The following MDH2 variants were observed in gnomAD, a reference collection of about 807,000 sequenced individuals.
MDH2 encodes the protein malate dehydrogenase 2.
In MDH2, 25 loss-of-function variants were observed where a neutral mutation model predicts 33.6. That is an observed-to-expected ratio of 0.74 (90% CI 0.54 to 1.04). MDH2 has a LOEUF of 1.04. MDH2 is among the 50% of genes least tolerant of loss of function. MDH2 has a pLI of 0.00. For synonymous variants in MDH2, 193 were observed against 188.7 expected, an observed-to-expected ratio of 1.02 and a Z score of -0.19; for missense variants, 432 against 445.0, an observed-to-expected ratio of 0.97 and a Z score of 0.26.
rs3214335 is a variant in MDH2 at position 76,065,027 on chromosome 7, TC to T, written c.885+77del. 0.65 allele frequency: 1,011,630 copies of T among 1,559,084 alleles called. 338,905 individuals are homozygous for T. The highest frequency in any genetic ancestry group is 0.7 in the Non-Finnish European group (796,414 of 1,138,782). ...CCCTTTGCTTAAGCCTCAGGAGCTC[TC>T]CCTGGCCCTTTATGCAGTAAGCTCA... On this transcript the variant is annotated intron_variant, in intron 8 of 8. Transcript: ENST00000315758.
rs868962980 is a variant in MDH2 at position 76,064,948 on chromosome 7, C to T, written c.880C>T (p.Leu294Phe). The change falls in exon 8 of 9, where the codon CTT (leucine) becomes TTT (phenylalanine). Residue 294 changes from leucine to phenylalanine, a missense_variant. Physicochemically the swap from Leu to Phe is conservative, Grantham distance 22 (BLOSUM62 0). Transcript: ENST00000315758. Reference sequence around the variant, plus strand: ...TACCTACTTCTCCACACCGCTGCTGCTTGGGGTACGTATCCAGGCGTGGGT... The same window carrying T: ...TACCTACTTCTCCACACCGCTGCTGTTTGGGGTACGTATCCAGGCGTGGGT... ...ECTYFSTPLL[L>F]GKKGIEKNLG... The T allele has an allele frequency of 1.2e-6, 2 of 1,614,008 alleles. No individual in the cohort carries two copies. The highest frequency in any genetic ancestry group is 1.7e-6 in the Non-Finnish European group (2 of 1,180,012).
At chr7:76,054,516 G>T (rs782206991) in intron 1 of MDH2, 1 of 357,062 alleles carries the variant, frequency 2.8e-6, no homozygotes, top group Non-Finnish European at 5.1e-6. Flanking sequence ...TTATAAAGCT[G>T]CAGGTTGAAG....
chr7:76,065,093 C>A, intron 8 of MDH2, 140 bp downstream of exon 8: 1 of 978,394 alleles, frequency 1.0e-6, no homozygotes, highest in South Asian at 1.6e-5. Context: ...CAAGGGTGGA[C>A]GCACACCCGA....
At chr7:76,056,232 T>A (rs1171324305) in intron 2 of MDH2, among the ~76,000 whole-genome samples, 1 of 152,206 alleles carries the variant, frequency 6.6e-6, no homozygotes, top group Non-Finnish European at 1.5e-5. Flanking sequence ...TATAAATATA[T>A]TAATGTAAGT....
chr7:76,057,459 G>C lies in MDH2; in HGVS notation c.285G>C (p.Val95=). ...QLPDCLKGCD[V]VVIPAGVPRK... ...CTGACTGCCTGAAAGGTTGTGATGT[G>C]GTAGTTATTCCGGCTGGAGTCCCCA... The change falls in exon 3 of 9, where the codon GTG becomes GTC. Residue 95 remains valine (V), a synonymous_variant. Coordinates refer to ENST00000315758, the MANE Select transcript of MDH2 (RefSeq NM_005918.4). The C allele has an allele frequency of 6.2e-7, 1 of 1,614,140 alleles. No homozygotes were observed. The highest frequency in any genetic ancestry group is 1.1e-5 in the South Asian group (1 of 91,076).
At chr7:76,064,531 C>A in intron 7 of MDH2, 93 bp downstream of exon 7, 1 of 1,149,424 alleles carries the variant, frequency 8.7e-7, no homozygotes, top group Non-Finnish European at 1.2e-6. Flanking sequence ...TGGGCATGGA[C>A]GATCCTTTTC....
intron 5 of MDH2, among the ~76,000 whole-genome samples, 187 bp from the exon 6 acceptor site, chr7:76,063,328 C>T (rs1033892627): frequency 6.6e-6 from 1 of 152,232 alleles, no homozygotes; most frequent in Non-Finnish European, 1.5e-5. Context: ...CGCTCATGCT[C>T]AGCCTTTTGG....
chr7:76,065,762 G>A lies in MDH2; in HGVS notation c.886-517G>A, dbSNP rs993233491. Among the ~76,000 whole-genome samples, 5 of 152,298 alleles carry A rather than the reference G, an allele frequency of 3.3e-5. No homozygotes were observed. In the South Asian group the frequency reaches 6.2e-4, roughly 19 times the overall value. On this transcript the variant is annotated intron_variant, in intron 8 of 8. Transcript: ENST00000315758. The stretch of plus-strand genomic sequence containing the variant: ...TGTGCTCAGTTTCTGCAGGTGAGAC[G>A]GTGGCAGAGATGCCTGTTTTTGCCA...
chr7:76,058,148 C>G, intron 4 of MDH2, 70 bp downstream of exon 4: 1 of 1,391,136 alleles, frequency 7.2e-7, no homozygotes. Flanking sequence ...GTGAAAAGCT[C>G]ACGGTTTGCA....
chr7:76,053,480 G>C (rs1797680018), intron 1 of MDH2, among the ~76,000 whole-genome samples: 1 of 152,214 alleles, frequency 6.6e-6, no homozygotes, highest in South Asian at 2.1e-4. Flanking sequence ...GCACCAACTT[G>C]AAACTCAAAA....
Position 76,064,972 on chromosome 7 carries a change from G to A in MDH2, c.885+19G>A, listed in dbSNP as rs782471408. ...GCTTGGGGTACGTATCCAGGCGTGG[G>A]TCCTTCTGACTGTGGAATAAGGGGG... On this transcript the variant is annotated intron_variant, in intron 8 of 8. Coordinates refer to ENST00000315758, the MANE Select transcript of MDH2 (RefSeq NM_005918.4). The A allele has an allele frequency of 1.9e-6, 3 of 1,613,844 alleles. No homozygotes were observed. Among genetic ancestry groups the A allele is most frequent in the Admixed American group, 1.7e-5 (1 of 60,014 alleles).
rs1363140160 is a variant in MDH2, at chr7:76,066,656, G to A, written c.*246G>A. On this transcript the variant is annotated 3_prime_UTR_variant, in exon 9 of 9. Coordinates refer to ENST00000315758, the MANE Select transcript of MDH2 (RefSeq NM_005918.4). ...TGTGAGAGCCAACTTTAGAGTGTCT[G>A]CTACCTCTTCATTACCAATCAGAAT... The A allele has an allele frequency of 1.1e-5, 4 of 375,128 alleles. No individual in the cohort carries two copies. Among genetic ancestry groups the A allele is most frequent in the Non-Finnish European group, 1.4e-5 (3 of 208,214 alleles). 23.2% of individuals were successfully genotyped at this position (375,128 alleles called of 1,614,324 possible).
chr7:76,051,701 T>C (rs1054325040), intron 1 of MDH2, among the ~76,000 whole-genome samples: 1 of 152,186 alleles, frequency 6.6e-6, no homozygotes, highest in African/African-American at 2.4e-5. Flanking sequence ...TACTAATATA[T>C]ACATTACAAT....
chr7:76,057,813 C>T (rs1554586485), intron 3 of MDH2, among the ~76,000 whole-genome samples, 156 bp from the exon 4 acceptor site: 2 of 152,208 alleles, frequency 1.3e-5, no homozygotes, highest in African/African-American at 4.8e-5. Context: ...GCTTCTGGCA[C>T]TCATCATGCT....
chr7:76,058,227 G>C, intron 4 of MDH2, 149 bp downstream of exon 4: 2 of 699,752 alleles, frequency 2.9e-6, no homozygotes, highest in Non-Finnish European at 4.8e-6. Flanking sequence ...GGAGAGGTCG[G>C]GTGCACTAAG....
intron 8 of MDH2, 91 bp from the exon 9 acceptor site, chr7:76,066,188 C>A: frequency 6.6e-7 from 1 of 1,509,712 alleles, no homozygotes; most frequent in Middle Eastern, 1.8e-4. Flanking sequence ...TAGAGAGACT[C>A]CTCGGCAGGG....
intron 7 of MDH2, 61 bp from the exon 8 acceptor site, chr7:76,064,741 C>T (rs1250466616): frequency 1.0e-5 from 16 of 1,525,318 alleles, no homozygotes; most frequent in African/African-American, 6.9e-5. Flanking sequence ...CTGGCGGGGC[C>T]GGCTCACCTG....
intron 1 of MDH2, 189 bp from the exon 2 acceptor site, chr7:76,054,641 C>G (rs541602740): frequency 8.8e-6 from 6 of 680,258 alleles, no homozygotes; most frequent in African/African-American, 5.4e-5. Context: ...AAATTCTCCC[C>G]ATTTGAAAGT....
intron 2 of MDH2, 118 bp downstream of exon 2, chr7:76,055,116 A>T: frequency 8.3e-7 from 1 of 1,209,266 alleles, no homozygotes. Flanking sequence ...TCTCTGTTTT[A>T]AATTTAAATT....
Sources: gnomAD v4.1 joint callset for allele counts (sites outside exome capture counted in the v4.1 genomes callset) on GRCh38, gnomAD v4.1.1 for gene constraint, MANE v1.5 for transcripts, NCBI Gene and HGNC (gene_info 2026-07-23, HGNC 2026-07-21) for gene names.